Variants in UBE3D observed in about 807,000 individuals in gnomAD.
The protein encoded by UBE3D is E3 ubiquitin-protein ligase E3D.
A neutral mutation model predicts 49.6 loss-of-function variants in UBE3D; 48 were observed. That is an observed-to-expected ratio of 0.97 (90% CI 0.77 to 1.23). The LOEUF is 1.23. UBE3D is among the 50% of genes most tolerant of loss of function. The probability of loss-of-function intolerance (pLI) is 0.00; values close to 1 mark genes in which losing one functional copy is unlikely to be tolerated. For missense variants in UBE3D, 452 were observed against 468.4 expected (o/e 0.96, Z 0.32); for synonymous variants, 189 against 174.2 (o/e 1.08, Z -0.67).
At chr6:83,046,253 C>T (rs960286385) in intron 3 of UBE3D, among the ~76,000 whole-genome samples, 1 of 151,684 alleles carries the variant, frequency 6.6e-6, no homozygotes, top group Non-Finnish European at 1.5e-5. Flanking sequence ...TTAACAATTC[C>T]CCCATGTTAA....
At chr6:83,016,824 G>A (rs998108571) in intron 8 of UBE3D, among the ~76,000 whole-genome samples, 1 of 152,124 alleles carries the variant, frequency 6.6e-6, no homozygotes, top group African/African-American at 2.4e-5. Flanking sequence ...TGAAGAACTT[G>A]GAGTCCAATG....
At chr6:82,926,489 TA>T (rs2127740445) in intron 9 of UBE3D, among the ~76,000 whole-genome samples, 1 of 152,140 alleles carries the variant, frequency 6.6e-6, no homozygotes, top group South Asian at 2.1e-4. Context: ...ATGGTAAGAG[TA>T]TGTTAAGTTT....
At chr6:82,969,417 GGCAACATAGTGAAATCC>G (rs1777184595) in intron 8 of UBE3D, among the ~76,000 whole-genome samples, 1 of 152,042 alleles carries the variant, frequency 6.6e-6, no homozygotes, top group South Asian at 2.1e-4. Context: ...AACCAACCTG[GGCAACATAGTGAAATCC>G]CGTCTTTACT....
At chr6:83,059,838 G>T (rs1784054561) in intron 1 of UBE3D, among the ~76,000 whole-genome samples, 1 of 152,160 alleles carries the variant, frequency 6.6e-6, no homozygotes, top group Non-Finnish European at 1.5e-5. Flanking sequence ...AGGCTGTGGA[G>T]GGCATCCACC....
intron 8 of UBE3D, among the ~76,000 whole-genome samples, chr6:82,971,615 G>T (rs570887316): frequency 3.9e-5 from 6 of 152,054 alleles, no homozygotes; most frequent in African/African-American, 1.4e-4. Context: ...ATTGAGACAG[G>T]GTGTTGCTAT....
intron 9 of UBE3D, among the ~76,000 whole-genome samples, chr6:82,905,438 C>T (rs1278438836): frequency 1.3e-5 from 2 of 152,046 alleles, no homozygotes; most frequent in South Asian, 4.1e-4. Context: ...CAAACTTAAT[C>T]GATAAATGTT....
intron 9 of UBE3D, among the ~76,000 whole-genome samples, chr6:82,945,728 CA>C (rs2127760792): frequency 6.6e-6 from 1 of 152,170 alleles, no homozygotes; most frequent in East Asian, 1.9e-4. Flanking sequence ...ACAGACAATG[CA>C]AAATAGCTGT....
chr6:83,010,841 C>T (rs1780285817), intron 8 of UBE3D, among the ~76,000 whole-genome samples: 1 of 152,072 alleles, frequency 6.6e-6, no homozygotes, highest in Non-Finnish European at 1.5e-5. Flanking sequence ...TGGTGCCCAC[C>T]CAGATTAAGG....
chr6:82,915,744 G>T (rs1195194316), intron 9 of UBE3D, among the ~76,000 whole-genome samples: 4 of 152,184 alleles, frequency 2.6e-5, no homozygotes, highest in Non-Finnish European at 5.9e-5. Flanking sequence ...CCTTATAAAA[G>T]TGTAAGATGA....
At chr6:82,983,557 T>TC (rs398110361) in intron 8 of UBE3D, among the ~76,000 whole-genome samples, 16 of 152,012 alleles carry the variant, frequency 1.1e-4, no homozygotes, top group African/African-American at 3.9e-4. Context: ...AATTTTTTTT[T>TC]AAATGTTAAA....
chr6:82,915,749 A>G (rs1404872491), intron 9 of UBE3D, among the ~76,000 whole-genome samples: 1 of 152,224 alleles, frequency 6.6e-6, no homozygotes. Flanking sequence ...TAAAAGTGTA[A>G]GATGATAATC....
intron 3 of UBE3D, among the ~76,000 whole-genome samples, chr6:83,052,836 C>T (rs1293121884): frequency 6.6e-6 from 1 of 152,098 alleles, no homozygotes; most frequent in East Asian, 1.9e-4. Flanking sequence ...CTTAGCTGTG[C>T]TAAAATAGAT....
chr6:82,881,360 C>A, the UBE3D span, among the ~76,000 whole-genome samples: 1 of 152,084 alleles, frequency 6.6e-6, no homozygotes, highest in Admixed American at 6.6e-5. Flanking sequence ...GGAAGCAGAG[C>A]AGAAGCAGTC....
chr6:82,902,400 C>T (rs746056226), intron 9 of UBE3D, among the ~76,000 whole-genome samples: 8 of 152,226 alleles, frequency 5.3e-5, no homozygotes, highest in Non-Finnish European at 8.8e-5. Context: ...AGGTGACTGG[C>T]TAAATTGTTG....
rs566722061 is a variant in UBE3D at position 82,914,283 on chromosome 6, A to C, written c.1150-21241T>G. On this transcript the variant is annotated intron_variant, in intron 9 of 9. Coordinates refer to ENST00000369747, the MANE Select transcript of UBE3D (RefSeq NM_198920.3). ...TTATGTGCCTTGGTGATGGTGGAGCAGTCCATGAATGCTTTGAAACAGCAC... is the reference window on the plus strand; with the variant it reads ...TTATGTGCCTTGGTGATGGTGGAGCCGTCCATGAATGCTTTGAAACAGCAC... Among the ~76,000 whole-genome samples, 247 of 152,314 alleles carry C rather than the reference A, an allele frequency of 1.6e-3. 1 individual carries two copies. The highest frequency in any genetic ancestry group is 5.1e-3 in the African/African-American group (213 of 41,574).
At chr6:82,990,706 T>C (rs935431087) in intron 8 of UBE3D, among the ~76,000 whole-genome samples, 1 of 152,184 alleles carries the variant, frequency 6.6e-6, no homozygotes, top group Non-Finnish European at 1.5e-5. Context: ...GAATACATAA[T>C]TAACTATTCC....
chr6:83,062,990 G>A (rs556036622), intron 1 of UBE3D, among the ~76,000 whole-genome samples: 2 of 152,154 alleles, frequency 1.3e-5, no homozygotes, highest in East Asian at 3.9e-4. Context: ...AAATAAACCT[G>A]CCAAAACATC....
Position 83,040,405 on chromosome 6 carries a change from A to C in UBE3D, c.598-1920T>G, listed in dbSNP as rs12528175. ...TCTCTCTCTCTCTCTCTCTCTCTCT[A>C]TATATATATATATTCAATCAGGGGT... On this transcript the variant is annotated intron_variant, in intron 4 of 9. Coordinates refer to ENST00000369747, the MANE Select transcript of UBE3D (RefSeq NM_198920.3). Among the ~76,000 whole-genome samples, 445 of 51,234 alleles carry C rather than the reference A, an allele frequency of 8.7e-3. 4 individuals carry two copies. Among genetic ancestry groups the C allele is most frequent in the South Asian group, 0.027 (33 of 1,242 alleles). 33.6% of individuals were successfully genotyped at this position (51,234 alleles called of 152,430 possible). A position where few individuals can be genotyped will look rare whatever the true frequency, so the allele number is the denominator to read the frequency against.
chr6:83,055,294 C>A, intron 2 of UBE3D, among the ~76,000 whole-genome samples: 1 of 152,108 alleles, frequency 6.6e-6, no homozygotes, highest in Non-Finnish European at 1.5e-5. Context: ...GAAATGAGGT[C>A]ATATCCATCA....
Sources: gnomAD v4.1 joint callset for allele counts (sites outside exome capture counted in the v4.1 genomes callset) on GRCh38, gnomAD v4.1.1 for gene constraint, MANE v1.5 for transcripts, NCBI Gene and HGNC (gene_info 2026-07-23, HGNC 2026-07-21) for gene names.